Variants in MTMR11 observed in about 807,000 individuals in gnomAD.
The protein encoded by MTMR11 is myotubularin related protein 11.
In MTMR11, 89 loss-of-function variants were observed where a neutral mutation model predicts 100.0. That is an observed-to-expected ratio of 0.89 (90% CI 0.75 to 1.06). The LOEUF is 1.06. Ranked by LOEUF, MTMR11 falls within the 50% of genes least tolerant of loss-of-function variation. The pLI, the probability that MTMR11 is intolerant of heterozygous loss-of-function variation, is 0.00. For missense variants in MTMR11, 809 were observed against 873.7 expected (o/e 0.93, Z 0.93); for synonymous variants, 336 against 326.3 (o/e 1.03, Z -0.32).
At chr1:149,935,734 T>C in intron 2 of MTMR11, 29 bp from the exon 3 acceptor site, 2 of 1,558,000 alleles carry the variant, frequency 1.3e-6, no homozygotes, top group Non-Finnish European at 1.7e-6. Context: ...AGCCCTGTTA[T>C]GACTGTTCCC....
intron 10 of MTMR11, among the ~76,000 whole-genome samples, 171 bp downstream of exon 10, chr1:149,933,235 C>T (rs1282986250): frequency 3.3e-5 from 5 of 151,850 alleles, no homozygotes; most frequent in African/African-American, 9.7e-5. Flanking sequence ...GGATTACAAG[C>T]GTGAGCCACC....
intron 5 of MTMR11, among the ~76,000 whole-genome samples, 179 bp downstream of exon 5, chr1:149,934,805 TAG>T (rs1349219277): frequency 6.6e-6 from 1 of 152,190 alleles, no homozygotes; most frequent in East Asian, 1.9e-4. Flanking sequence ...AGAGTAAGGC[TAG>T]AGCGCAGGCT....
chr1:149,933,560 G>C, intron 9 of MTMR11, 30 bp from the exon 10 acceptor site: 1 of 1,614,112 alleles, frequency 6.2e-7, no homozygotes, highest in Non-Finnish European at 8.5e-7. Flanking sequence ...GAAATAAGGA[G>C]TCTACCCTGA....
At chr1:149,934,118 C>T (rs2092695042) in intron 7 of MTMR11, 73 bp downstream of exon 7, 9 of 1,604,390 alleles carry the variant, frequency 5.6e-6, no homozygotes, top group Middle Eastern at 1.8e-4. Context: ...TGTGGGAAGT[C>T]CTAGCTTTAG....
In MTMR11 at chr1:149,932,485, A is replaced by C. The variant is rs2101665136; in HGVS notation, c.986-155T>G. Among the ~76,000 whole-genome samples the C allele has an allele frequency of 6.6e-6, 1 of 152,378 alleles. No homozygotes were observed. The highest frequency in any genetic ancestry group is 2.1e-4 in the South Asian group (1 of 4,828). ...TAAACTGTGGTGATGGTTGTACAAC[A>C]TTGTAAATATAATAAAACTCACTGA... On this transcript the variant is annotated intron_variant, in intron 10 of 16. Coordinates refer to ENST00000439741, the MANE Select transcript of MTMR11 (RefSeq NM_001145862.2).
In MTMR11 at chr1:149,932,317, A is replaced by G. The variant is rs782648621; in HGVS notation, c.999T>C (p.Ala333=). ...RALCLPDSSV[A]EDKWLSALEG... ...CCAGGGCTGAAAGCCATTTATCCTC[A>G]GCTACAGATGAATCTGATAGAGGGT... Residue 333 remains alanine (A), a synonymous_variant, in exon 11 of 17, where the codon GCT becomes GCC. Transcript: ENST00000439741. 4 of 1,613,660 alleles carry G rather than the reference A, an allele frequency of 2.5e-6. No individual in the cohort carries two copies. The African/African-American group carries it at 4.0e-5, about 16-fold the overall frequency.
intron 16 of MTMR11, 101 bp from the exon 17 acceptor site, chr1:149,929,418 G>T: frequency 7.9e-7 from 1 of 1,270,622 alleles, no homozygotes. Flanking sequence ...TCCCCTTTCA[G>T]CTATGCCCTA....
At position 149,932,283 on chromosome 1, in the gene MTMR11, G is replaced by A. The variant is rs150224850; in HGVS notation, c.1033C>T (p.Arg345Ter). 19 of 1,613,916 alleles carry A rather than the reference G, an allele frequency of 1.2e-5. No individual in the cohort carries two copies. Among genetic ancestry groups the A allele is most frequent in the South Asian group, 5.5e-5 (5 of 91,088 alleles). The change falls in exon 11 of 17, where the codon CGA becomes TGA. Residue 345 changes from arginine (R) to a stop codon, truncating the protein, a stop_gained. Transcript: ENST00000439741. LOFTEE classifies it high-confidence loss of function. ...DKWLSALEGT[R>*]WLDYVRACLR... The stretch of plus-strand genomic sequence containing the variant: ...GAGTACCTGACATAGTCCAGCCATC[G>A]TGTTCCTTCCAGGGCTGAAAGCCAT...
At chr1:149,932,171 A>G (rs782119136) in intron 11 of MTMR11, 93 bp downstream of exon 11, 16 of 1,430,414 alleles carry the variant, frequency 1.1e-5, no homozygotes, top group Non-Finnish European at 1.6e-5. Flanking sequence ...AACCGAGGAG[A>G]AGAACTAAAG....
At position 149,929,889 on chromosome 1, in the gene MTMR11, TG is replaced by T. The variant is rs781883703; in HGVS notation, c.1674del (p.Ser559ValfsTer11). The T allele has an allele frequency of 1.2e-6, 2 of 1,613,266 alleles. No homozygotes were observed. The highest frequency in any genetic ancestry group is 3.3e-5 in the Admixed American group (2 of 59,932). On this transcript the variant is annotated frameshift_variant, in exon 16 of 17. Transcript: ENST00000439741. LOFTEE classifies it high-confidence loss of function. ...CCTCTAGAGAAGAGCCACACAGAACTGGGGGGTCCAGGAACCATGAAGCTTG... is the reference window on the plus strand; with the variant it reads ...CCTCTAGAGAAGAGCCACACAGAACTGGGGGTCCAGGAACCATGAAGCTTG... Reference protein sequence around the residue: ...PQPSFMVPGPPSSVWLFSRGA... With the variant: ...PQPSFMVPGPXSSVWLFSRGA...
In MTMR11 at chr1:149,933,503, C is replaced by T. The variant is rs782038448; in HGVS notation, c.888G>A (p.Gly296=). The T allele has an allele frequency of 6.2e-7, 1 of 1,614,048 alleles. No homozygotes were observed. The highest frequency in any genetic ancestry group is 8.5e-7 in the Non-Finnish European group (1 of 1,179,970). ...IRAVELMLQA[G]HSDVVLVDTM... ...TGTCTACCAGGACAACATCTGAATG[C>T]CCAGCCTGGAGCATCAACTCCACTG... Residue 296 remains glycine, a synonymous_variant, in exon 10 of 17, where the codon GGG becomes GGA. Transcript: ENST00000439741.
At chr1:149,930,755 G>GA (rs587613414) in intron 14 of MTMR11, 37 bp downstream of exon 14, 2,567 of 1,432,860 alleles carry the variant, frequency 1.8e-3, no homozygotes, top group South Asian at 4.7e-3. Context: ...CATCTCAATG[G>GA]AAAAAAAAAC....
rs1049482544 is a variant in MTMR11, at chr1:149,931,882, A to G, written c.1123+62T>C. On this transcript the variant is annotated intron_variant, in intron 12 of 16. Coordinates refer to ENST00000439741, the MANE Select transcript of MTMR11 (RefSeq NM_001145862.2). Reference sequence around the variant, plus strand: ...TTATGGGTCTCCCTCCCTGAATGCAATCTGGTCAGGTGGGTAAAGAAAAGA... The same window carrying G: ...TTATGGGTCTCCCTCCCTGAATGCAGTCTGGTCAGGTGGGTAAAGAAAAGA... 3.4e-6 allele frequency: 5 copies of G among 1,451,194 alleles called. No homozygotes were observed. In the Admixed American group the frequency reaches 5.1e-5, roughly 15 times the overall value. 89.9% of individuals were successfully genotyped at this position (1,451,194 alleles called of 1,614,324 possible).
In MTMR11 at chr1:149,934,235, G is replaced by T; in HGVS notation, c.639C>A (p.Gly213=). 6.2e-7 allele frequency: 1 copy of T among 1,614,188 alleles called. No individual in the cohort carries two copies. The highest frequency in any genetic ancestry group is 1.1e-5 in the South Asian group (1 of 91,072). The change falls in exon 7 of 17, where the codon GGC becomes GGA. Residue 213 remains glycine, a synonymous_variant. Coordinates refer to ENST00000439741, the MANE Select transcript of MTMR11 (RefSeq NM_001145862.2). Reference sequence around the variant, plus strand: ...TCTCGTTGACCGTGCTGACCCTCCAGCCTCTGGCTGCCTGCTTCTTCCGCT... The same window carrying T: ...TCTCGTTGACCGTGCTGACCCTCCATCCTCTGGCTGCCTGCTTCTTCCGCT... ...ETERKKQAAR[G]WRVSTVNERF... is the part of the protein sequence containing the mutation.
At position 149,931,936 on chromosome 1, in the gene MTMR11, G is replaced by A. The variant is rs782719734; in HGVS notation, c.1123+8C>T. The A allele has an allele frequency of 3.8e-5, 61 of 1,608,534 alleles. No individual in the cohort carries two copies. The highest frequency in any genetic ancestry group is 5.1e-5 in the Non-Finnish European group (60 of 1,175,064). ...AAGGAATGGAATGGGCTTAACCAAG[G>A]AACTCACCTTGAAGTATTACAGAAC... On this transcript the variant is annotated splice_region_variant and intron_variant, in intron 12 of 16. Coordinates refer to ENST00000439741, the MANE Select transcript of MTMR11 (RefSeq NM_001145862.2).
Position 149,928,889 on chromosome 1 carries a change from G to A in MTMR11, c.*240C>T. Reference sequence around the variant, plus strand: ...GATTTAACATCTGGTTATCCAGAAGGGATGGGATTGGCCTAAAAAAACCGA... The same window carrying A: ...GATTTAACATCTGGTTATCCAGAAGAGATGGGATTGGCCTAAAAAAACCGA... On this transcript the variant is annotated 3_prime_UTR_variant, in exon 17 of 17. Coordinates refer to ENST00000439741, the MANE Select transcript of MTMR11 (RefSeq NM_001145862.2). 1.2e-6 allele frequency: 2 copies of A among 1,614,018 alleles called. No individual in the cohort carries two copies. Among genetic ancestry groups the A allele is most frequent in the Non-Finnish European group, 1.7e-6 (2 of 1,179,910 alleles).
At chr1:149,935,504 C>T (rs1169959974) in intron 3 of MTMR11, 80 bp downstream of exon 3, 28 of 1,588,332 alleles carry the variant, frequency 1.8e-5, no homozygotes, top group Non-Finnish European at 2.3e-5. Flanking sequence ...GCCCTTAACC[C>T]ATAATGTTTG....
Position 149,928,899 on chromosome 1 carries a change from G to A in MTMR11, c.*230C>T. ...CTGGTTATCCAGAAGGGATGGGATTGGCCTAAAAAAACCGATCAATTTCTG... is the reference window on the plus strand; with the variant it reads ...CTGGTTATCCAGAAGGGATGGGATTAGCCTAAAAAAACCGATCAATTTCTG... On this transcript the variant is annotated 3_prime_UTR_variant, in exon 17 of 17. Coordinates refer to ENST00000439741, the MANE Select transcript of MTMR11 (RefSeq NM_001145862.2). The A allele has an allele frequency of 6.2e-7, 1 of 1,613,922 alleles. No individual in the cohort carries two copies. Among genetic ancestry groups the A allele is most frequent in the South Asian group, 1.1e-5 (1 of 91,070 alleles).
At chr1:149,936,343 G>C in intron 1 of MTMR11, 114 bp from the exon 2 acceptor site, 1 of 1,519,392 alleles carries the variant, frequency 6.6e-7, no homozygotes, top group Admixed American at 2.3e-5. Context: ...ACTGAGATCA[G>C]TGTCTGTGGG....
Sources: gnomAD v4.1 joint callset for allele counts (sites outside exome capture counted in the v4.1 genomes callset) on GRCh38, gnomAD v4.1.1 for gene constraint, MANE v1.5 for transcripts, NCBI Gene and HGNC (gene_info 2026-07-23, HGNC 2026-07-21) for gene names.